Variants in IGFBP7 observed in about 807,000 individuals in gnomAD.
IGFBP7 encodes the protein insulin like growth factor binding protein 7.
In IGFBP7, 31 loss-of-function variants were observed where a neutral mutation model predicts 29.4. That is an observed-to-expected ratio of 1.05 (90% CI 0.79 to 1.42). The LOEUF (loss-of-function observed/expected upper bound fraction) is 1.42. Ranked by LOEUF, IGFBP7 falls within the 40% of genes most tolerant of loss-of-function variation. The probability of loss-of-function intolerance (pLI) is 0.00; values close to 1 mark genes in which losing one functional copy is unlikely to be tolerated. For synonymous variants in IGFBP7, 172 were observed against 174.9 expected (o/e 0.98, Z 0.13); for missense variants, 393 against 395.5 (o/e 0.99, Z 0.05).
chr4:57,110,198 C>A lies in IGFBP7; in HGVS notation c.154G>T (p.Glu52Ter). The A allele has an allele frequency of 7.2e-7, 1 of 1,382,276 alleles. No individual in the cohort carries two copies. The allele number at this position is 1,382,276 out of a possible 1,614,324, so 85.6% of individuals were successfully genotyped here. A position where few individuals can be genotyped will look rare whatever the true frequency, so the allele number is the denominator to read the frequency against. The change falls in exon 1 of 5, where the codon GAG becomes TAG. Residue 52 changes from glutamate to a stop codon, truncating the protein, a stop_gained. Transcript: ENST00000295666. LOFTEE classifies it high-confidence loss of function. ...PLPPLGCLLG[E>*]TRDACGCCPM... Reference sequence around the variant, plus strand: ...CAGCAGCCGCACGCGTCGCGGGTCTCGCCCAGCAGGCAGCCCAGCGGGGGC... The same window carrying A: ...CAGCAGCCGCACGCGTCGCGGGTCTAGCCCAGCAGGCAGCCCAGCGGGGGC...
intron 2 of IGFBP7, among the ~76,000 whole-genome samples, chr4:57,037,581 A>T (rs1718824): frequency 6.6e-6 from 1 of 151,728 alleles, no homozygotes; most frequent in Non-Finnish European, 1.5e-5. Context: ...GAGGACAAGC[A>T]CTCAGGGAGG....
At chr4:57,099,839 C>T (rs1054201782) in intron 1 of IGFBP7, among the ~76,000 whole-genome samples, 1 of 151,806 alleles carries the variant, frequency 6.6e-6, no homozygotes, top group Non-Finnish European at 1.5e-5. Context: ...GAAAGTGATC[C>T]TCACACCTCA....
At chr4:57,038,422 T>C (rs1201792672) in intron 2 of IGFBP7, among the ~76,000 whole-genome samples, 3 of 152,208 alleles carry the variant, frequency 2.0e-5, no homozygotes, top group African/African-American at 7.2e-5. Context: ...CGTGTGTACC[T>C]GGATGCAGGG....
chr4:57,033,133 A>G (rs1723983874), intron 3 of IGFBP7, 62 bp downstream of exon 3: 3 of 1,162,246 alleles, frequency 2.6e-6, no homozygotes, highest in African/African-American at 3.0e-5. Flanking sequence ...CACCTTTGCC[A>G]GGTCTGCTTA....
intron 1 of IGFBP7, among the ~76,000 whole-genome samples, chr4:57,042,797 G>A (rs1278992496): frequency 1.3e-5 from 2 of 152,206 alleles, no homozygotes; most frequent in Non-Finnish European, 2.9e-5. Context: ...AGCAGTTGTG[G>A]CTGAGACTGT....
intron 1 of IGFBP7, among the ~76,000 whole-genome samples, chr4:57,096,955 T>C (rs35297343): frequency 0.045 from 6,788 of 152,286 alleles, 201 homozygotes; most frequent in South Asian, 0.067. Context: ...CCAATAAGAC[T>C]CTAAAAGCCA....
intron 1 of IGFBP7, among the ~76,000 whole-genome samples, chr4:57,074,558 T>C (rs374682280): frequency 6.6e-6 from 1 of 152,208 alleles, no homozygotes; most frequent in Non-Finnish European, 1.5e-5. Context: ...CCAGCCTGAC[T>C]TCAGGGGCTT....
chr4:57,047,740 A>AT (rs1367708613), intron 1 of IGFBP7, among the ~76,000 whole-genome samples: 3 of 152,042 alleles, frequency 2.0e-5, no homozygotes, highest in South Asian at 4.2e-4. Context: ...CCTTTGCTAC[A>AT]TTTTTTCTTT....
intron 1 of IGFBP7, among the ~76,000 whole-genome samples, chr4:57,080,979 A>G (rs1725352217): frequency 6.6e-6 from 1 of 152,108 alleles, no homozygotes; most frequent in South Asian, 2.1e-4. Flanking sequence ...ATGTTCTCAG[A>G]ATGTCTCCGG....
At chr4:57,089,035 AAAAT>A (rs1300396927) in intron 1 of IGFBP7, among the ~76,000 whole-genome samples, 1 of 146,236 alleles carries the variant, frequency 6.8e-6, no homozygotes, top group Admixed American at 6.7e-5. Flanking sequence ...CTGTCTCAAA[AAAAT>A]AAAAAAAAAA....
chr4:57,065,880 A>C lies in IGFBP7; in HGVS notation c.476-24947T>G, dbSNP rs189466673. On this transcript the variant is annotated intron_variant, in intron 1 of 4. Coordinates refer to ENST00000295666, the MANE Select transcript of IGFBP7 (RefSeq NM_001553.3). Reference sequence around the variant, plus strand: ...TTGAGTCATTTACTCCATTCCCGTTATCTCTCTCTGCTCCACGGTCCTCAC... The same window carrying C: ...TTGAGTCATTTACTCCATTCCCGTTCTCTCTCTCTGCTCCACGGTCCTCAC... 1.1e-4 allele frequency among the ~76,000 whole-genome samples: 17 copies of C among 151,988 alleles called. No homozygotes were observed. The East Asian group carries it at 2.9e-3, about 26-fold the overall frequency.
chr4:57,051,616 A>C (rs1393221544), intron 1 of IGFBP7, among the ~76,000 whole-genome samples: 3 of 152,332 alleles, frequency 2.0e-5, no homozygotes, highest in Admixed American at 6.5e-5. Context: ...TTAGCGCATT[A>C]AGAGTAAGAA....
chr4:57,053,418 G>A (rs768562617), intron 1 of IGFBP7, among the ~76,000 whole-genome samples: 3 of 152,138 alleles, frequency 2.0e-5, no homozygotes, highest in Non-Finnish European at 4.4e-5. Flanking sequence ...TGTGGTTCTT[G>A]CCCATGGTGG....
intron 1 of IGFBP7, among the ~76,000 whole-genome samples, chr4:57,100,097 G>A (rs553952784): frequency 1.4e-4 from 18 of 126,450 alleles, no homozygotes; most frequent in African/African-American, 5.2e-4. Flanking sequence ...TTGAGACAGC[G>A]TCTCACCTTG....
chr4:57,086,369 A>G (rs1295502365), intron 1 of IGFBP7, among the ~76,000 whole-genome samples: 1 of 152,194 alleles, frequency 6.6e-6, no homozygotes, highest in Non-Finnish European at 1.5e-5. Context: ...GGGGGTTTTG[A>G]GAGTTCACGG....
intron 1 of IGFBP7, among the ~76,000 whole-genome samples, chr4:57,091,334 G>A (rs1725631209): frequency 6.6e-6 from 1 of 152,224 alleles, no homozygotes; most frequent in Non-Finnish European, 1.5e-5. Flanking sequence ...GCATATTTAT[G>A]TTTAACTGCT....
At chr4:57,101,081 T>C (rs1048699184) in intron 1 of IGFBP7, among the ~76,000 whole-genome samples, 1 of 152,266 alleles carries the variant, frequency 6.6e-6, no homozygotes, top group Non-Finnish European at 1.5e-5. Flanking sequence ...TTACAGTTAT[T>C]TGGTGCAGCA....
rs555411488 is a variant in IGFBP7 at position 57,057,072 on chromosome 4, C to T, written c.476-16139G>A. Among the ~76,000 whole-genome samples the T allele has an allele frequency of 3.9e-5, 6 of 152,302 alleles. No homozygotes were observed. The South Asian group carries it at 1.2e-3, about 32-fold the overall frequency. On this transcript the variant is annotated intron_variant, in intron 1 of 4. Transcript: ENST00000295666. ...CCAGGATGGAGTATAGTAGCACGAT[C>T]ATGGCTCACTGCAGCTTCGTCCTTT...
intron 1 of IGFBP7, among the ~76,000 whole-genome samples, chr4:57,057,032 C>T (rs2109761643): frequency 6.6e-6 from 1 of 151,986 alleles, no homozygotes; most frequent in African/African-American, 2.4e-5. Context: ...TTGAGACAGG[C>T]TCTCACTCTG....
Sources: gnomAD v4.1 joint callset for allele counts (sites outside exome capture counted in the v4.1 genomes callset) on GRCh38, gnomAD v4.1.1 for gene constraint, MANE v1.5 for transcripts, NCBI Gene and HGNC (gene_info 2026-07-23, HGNC 2026-07-21) for gene names.